The following ARHGEF11 variants were observed in gnomAD, a reference collection of about 807,000 sequenced individuals.
ARHGEF11 encodes the protein Rho guanine exchange factor (GEF) 11.
ARHGEF11 carries 55 observed loss-of-function variants against 193.7 expected under a neutral mutation model. The ratio of observed to expected loss-of-function variants is 0.28; its 90% CI spans 0.23 to 0.36. The LOEUF (loss-of-function observed/expected upper bound fraction) is 0.36. Among genes scored for constraint, ARHGEF11 ranks in the 10% least tolerant of loss-of-function variants. The probability of loss-of-function intolerance (pLI) is 1.00; values close to 1 mark genes in which losing one functional copy is unlikely to be tolerated. For synonymous variants in ARHGEF11, 693 were observed against 768.0 expected (o/e 0.90, Z 1.62); for missense variants, 1,723 against 2,005.6 (o/e 0.86, Z 2.69).
intron 8 of ARHGEF11, among the ~76,000 whole-genome samples, 188 bp from the exon 9 acceptor site, chr1:156,970,231 T>C (rs1662319450): frequency 6.6e-6 from 1 of 152,204 alleles, no homozygotes; most frequent in African/African-American, 2.4e-5. Context: ...CCCCTAATGG[T>C]GGAAAGGGAG....
chr1:157,012,294 C>CA (rs1668636407), intron 1 of ARHGEF11, among the ~76,000 whole-genome samples: 2 of 152,034 alleles, frequency 1.3e-5, no homozygotes, highest in Non-Finnish European at 2.9e-5. Context: ...TTCATAGAGA[C>CA]AGAGAGTAGA....
At chr1:157,043,567 A>G (rs1673014166) in intron 1 of ARHGEF11, among the ~76,000 whole-genome samples, 1 of 152,214 alleles carries the variant, frequency 6.6e-6, no homozygotes, top group Non-Finnish European at 1.5e-5. Context: ...GCCCAAAACA[A>G]TTTCTTCTGG....
intron 11 of ARHGEF11, among the ~76,000 whole-genome samples, chr1:156,967,185 G>A (rs1316347105): frequency 6.6e-6 from 1 of 152,104 alleles, no homozygotes; most frequent in Non-Finnish European, 1.5e-5. Context: ...TTTAATTTAA[G>A]GTAATGACAG....
chr1:157,010,161 C>T (rs887436675), intron 1 of ARHGEF11, among the ~76,000 whole-genome samples: 2 of 152,084 alleles, frequency 1.3e-5, no homozygotes, highest in African/African-American at 4.8e-5. Context: ...CAGCGAGATC[C>T]CATCTCTATA....
intron 22 of ARHGEF11, 140 bp downstream of exon 22, chr1:156,951,433 G>T: frequency 8.9e-7 from 1 of 1,125,770 alleles, no homozygotes; most frequent in Non-Finnish European, 1.2e-6. Context: ...TGAAGATACT[G>T]GGGGTGGGGA....
intron 20 of ARHGEF11, among the ~76,000 whole-genome samples, chr1:156,955,423 G>A (rs922061198): frequency 3.9e-5 from 6 of 152,184 alleles, no homozygotes; most frequent in African/African-American, 7.2e-5. Flanking sequence ...GATCCTTGCC[G>A]AGGGGAAATG....
rs1181892230 is a variant in ARHGEF11, at chr1:156,936,953, G to A, written c.4493C>T (p.Ser1498Phe). Reference protein sequence around the residue: ...ELLKSLGGESSGGTTPVGSFH... With the variant: ...ELLKSLGGESFGGTTPVGSFH... ...ACTGCCCACAGGCGTGGTGCCACCA[G>A]ATGACTCTCCCCCAAGGGACTTGAG... The change falls in exon 40 of 41, where the codon TCT becomes TTT. Residue 1498 changes from serine (S) to phenylalanine (F), a missense_variant. By Grantham distance (155) the Ser-to-Phe change is radical (BLOSUM62 -2). Transcript: ENST00000368194. 1 of 1,614,142 alleles carries A rather than the reference G, an allele frequency of 6.2e-7. No homozygotes were observed. The highest frequency in any genetic ancestry group is 8.5e-7 in the Non-Finnish European group (1 of 1,180,020).
intron 1 of ARHGEF11, among the ~76,000 whole-genome samples, chr1:157,015,638 G>C (rs12405102): frequency 0.16 from 25,002 of 152,112 alleles, 2,145 homozygotes; most frequent in East Asian, 0.33. Flanking sequence ...TTACACTCTA[G>C]GTCCTCAGTA....
At chr1:157,040,780 A>G (rs555237282) in intron 1 of ARHGEF11, among the ~76,000 whole-genome samples, 1 of 152,370 alleles carries the variant, frequency 6.6e-6, no homozygotes, top group South Asian at 2.1e-4. Flanking sequence ...TTTACCATCT[A>G]TAATTTATAT....
chr1:156,956,236 C>T (rs1659928800), intron 19 of ARHGEF11, among the ~76,000 whole-genome samples, 184 bp downstream of exon 19: 1 of 152,122 alleles, frequency 6.6e-6, no homozygotes, highest in Non-Finnish European at 1.5e-5. Flanking sequence ...CGTGCCTCAG[C>T]CTCCCGATTA....
intron 1 of ARHGEF11, among the ~76,000 whole-genome samples, chr1:157,038,244 T>C (rs1571618871): frequency 2.1e-5 from 3 of 145,534 alleles, no homozygotes; most frequent in South Asian, 4.7e-4. Context: ...ACAGATCCCA[T>C]CACACCACTT....
intron 6 of ARHGEF11, 55 bp from the exon 7 acceptor site, chr1:156,977,109 C>A: frequency 2.0e-6 from 3 of 1,466,390 alleles, no homozygotes; most frequent in South Asian, 2.3e-5. Context: ...AACAGCTTAG[C>A]TCTCTTCTAT....
At chr1:157,011,732 T>C (rs963185362) in intron 1 of ARHGEF11, among the ~76,000 whole-genome samples, 2 of 152,190 alleles carry the variant, frequency 1.3e-5, no homozygotes, top group Non-Finnish European at 2.9e-5. Flanking sequence ...TGGAAGAGGC[T>C]CAATATCATT....
chr1:156,987,511 T>C (rs1226363325), intron 1 of ARHGEF11, among the ~76,000 whole-genome samples: 1 of 152,130 alleles, frequency 6.6e-6, no homozygotes, highest in East Asian at 1.9e-4. Context: ...CTAAAATATC[T>C]CTGGAAGAAT....
In ARHGEF11 at chr1:156,946,046, C is replaced by T. The variant is rs1483737894; in HGVS notation, c.2811G>A (p.Glu937=). ...LLLESIIKHT[E]GGTSEHEKLC... ...TGCCAGCCCCTCCCCAGGTGCTACCCTCTGTGTGCTTGATGATGCTCTCCA... is the reference window on the plus strand; with the variant it reads ...TGCCAGCCCCTCCCCAGGTGCTACCTTCTGTGTGCTTGATGATGCTCTCCA... Residue 937 remains glutamate (E), a splice_region_variant and synonymous_variant, in exon 29 of 41, where the codon GAG becomes GAA. Transcript: ENST00000368194. 2 of 1,612,242 alleles carry T rather than the reference C, an allele frequency of 1.2e-6. No individual in the cohort carries two copies. The highest frequency in any genetic ancestry group is 1.7e-6 in the Non-Finnish European group (2 of 1,179,022).
At position 157,035,890 on chromosome 1, in the gene ARHGEF11, T is replaced by C. The variant is rs1214773976; in HGVS notation, c.32+8409A>G. ...ATAGGAATATATATAGGAATATATA[T>C]AGGAATATATATATATGAATCTATA... On this transcript the variant is annotated intron_variant, in intron 1 of 40. Coordinates refer to ENST00000368194, the MANE Select transcript of ARHGEF11 (RefSeq NM_198236.3). Among the ~76,000 whole-genome samples, 10 of 49,558 alleles carry C rather than the reference T, an allele frequency of 2.0e-4. 1 individual carries two copies. Among genetic ancestry groups the C allele is most frequent in the African/African-American group, 8.1e-4 (10 of 12,312 alleles). 32.5% of individuals were successfully genotyped at this position (49,558 alleles called of 152,430 possible). A position where few individuals can be genotyped will look rare whatever the true frequency, so the allele number is the denominator to read the frequency against.
intron 21 of ARHGEF11, among the ~76,000 whole-genome samples, chr1:156,954,215 A>G (rs1659561632): frequency 1.3e-5 from 2 of 152,022 alleles, no homozygotes; most frequent in South Asian, 2.1e-4. Context: ...CCCCATCTCT[A>G]CTAAAAATAC....
intron 7 of ARHGEF11, among the ~76,000 whole-genome samples, chr1:156,974,384 C>T (rs141871331): frequency 4.0e-4 from 61 of 152,262 alleles, no homozygotes; most frequent in Non-Finnish European, 5.1e-4. Flanking sequence ...ACATTTTCAA[C>T]GTTCTATTAA....
rs73010547 is a variant in ARHGEF11 at position 156,993,304 on chromosome 1, A to G, written c.33-7131T>C. 9.8e-3 allele frequency among the ~76,000 whole-genome samples: 1,485 copies of G among 152,292 alleles called. 16 individuals are homozygous for G. The highest frequency in any genetic ancestry group is 0.028 in the African/African-American group (1,168 of 41,554). On this transcript the variant is annotated intron_variant, in intron 1 of 40. Transcript: ENST00000368194. ...TATTTTCTCTTTTACATACATACACACACATTCCAGACATATACACATATA... is the reference window on the plus strand; with the variant it reads ...TATTTTCTCTTTTACATACATACACGCACATTCCAGACATATACACATATA...
Sources: allele counts gnomAD v4.1 joint callset (sites outside exome capture counted in the v4.1 genomes callset), GRCh38; gene constraint gnomAD v4.1.1; transcripts MANE v1.5; gene names NCBI Gene and HGNC (gene_info 2026-07-23, HGNC 2026-07-21).